Variants in UBAP2 observed in about 807,000 individuals in gnomAD.
UBAP2 encodes ubiquitin-associated protein 2.
UBAP2 carries 75 observed loss-of-function variants against 139.6 expected under a neutral mutation model. That is an observed-to-expected ratio of 0.54 (90% confidence interval 0.45 to 0.65). The LOEUF is 0.65. Ranked by LOEUF, UBAP2 falls within the 30% of genes least tolerant of loss-of-function variation. UBAP2 has a pLI of 0.00. For synonymous variants in UBAP2, 526 were observed against 526.2 expected, an observed-to-expected ratio of 1.00 and a Z score of 0.01; for missense variants, 1,368 against 1,369.6, an observed-to-expected ratio of 1.00 and a Z score of 0.02.
At position 34,014,705 on chromosome 9, in the gene UBAP2, G is replaced by C. The variant is rs568513877; in HGVS notation, c.99+2345C>G. On this transcript the variant is annotated intron_variant, in intron 2 of 28. Transcript: ENST00000379238. ...AGCTACTTGGAAGGCTGAGGCAAGA[G>C]AATCACTTGAACCCGGGAAGTGGAG... Among the ~76,000 whole-genome samples, 4 of 145,110 alleles carry C rather than the reference G, an allele frequency of 2.8e-5. No individual in the cohort carries two copies. The East Asian group carries it at 8.3e-4, about 30-fold the overall frequency.
At chr9:33,933,358 G>T in intron 18 of UBAP2, 132 bp downstream of exon 18, 3 of 1,092,506 alleles carry the variant, frequency 2.7e-6, no homozygotes, top group Non-Finnish European at 3.8e-6. Flanking sequence ...CTAAGCTACA[G>T]TCGTAATGCA....
At position 33,947,453 on chromosome 9, in the gene UBAP2, G is replaced by A. The variant is rs536187943; in HGVS notation, c.1270+921C>T. The stretch of plus-strand genomic sequence containing the variant: ...TGGGACCTTTACAATACAAACCACG[G>A]AATGTAAAGGTTGATGAAATCATAG... On this transcript the variant is annotated intron_variant, in intron 13 of 28. Coordinates refer to ENST00000379238, the MANE Select transcript of UBAP2 (RefSeq NM_001370062.2). 1.3e-4 allele frequency among the ~76,000 whole-genome samples: 20 copies of A among 152,266 alleles called. 1 individual carries two copies. In the East Asian group the frequency reaches 3.9e-3, roughly 29 times the overall value.
At chr9:33,994,494 G>A (rs1383294313) in intron 4 of UBAP2, 1 of 149,972 alleles carries the variant, frequency 6.7e-6, no homozygotes, top group African/African-American at 2.4e-5. Flanking sequence ...TAAACAAAGA[G>A]GGCGGTTAGG....
intron 2 of UBAP2, among the ~76,000 whole-genome samples, chr9:34,009,644 A>G (rs1823570022): frequency 6.6e-6 from 1 of 151,696 alleles, no homozygotes; most frequent in South Asian, 2.1e-4. Flanking sequence ...TAATTTTTGT[A>G]GAGACAGGTC....
chr9:33,980,334 G>A (rs1400881510), intron 6 of UBAP2, among the ~76,000 whole-genome samples: 4 of 129,356 alleles, frequency 3.1e-5, no homozygotes, highest in Admixed American at 1.9e-4. Context: ...CCAGGTTCAC[G>A]CCATTCTCCT....
At chr9:33,996,718 A>G (rs911931135) in intron 3 of UBAP2, 5 of 162,628 alleles carry the variant, frequency 3.1e-5, no homozygotes, top group Non-Finnish European at 6.6e-5. Flanking sequence ...CACGGTCATC[A>G]TTCATGGAAA....
intron 11 of UBAP2, among the ~76,000 whole-genome samples, chr9:33,953,702 T>C (rs569080863): frequency 7.2e-5 from 11 of 152,066 alleles, no homozygotes; most frequent in South Asian, 4.2e-4. Flanking sequence ...AAAAGGTGTA[T>C]TGAGAAATTT....
Position 33,954,265 on chromosome 9 carries a change from T to TACACACACACAC in UBAP2, c.867-792_867-791insGTGTGTGTGTGT, listed in dbSNP as rs1491115319. ...ATCCCATAATACATTTAAGTGTGTG[T>TACACACACACAC]ATATACACACACACACACACACACA... On this transcript the variant is annotated intron_variant, in intron 11 of 28. Coordinates refer to ENST00000379238, the MANE Select transcript of UBAP2 (RefSeq NM_001370062.2). Among the ~76,000 whole-genome samples, 14 of 121,208 alleles carry TACACACACACAC rather than the reference T, an allele frequency of 1.2e-4. No homozygotes were observed. The East Asian group carries it at 2.0e-3, about 18-fold the overall frequency. The allele number at this position is 121,208 out of a possible 152,430, so 79.5% of individuals were successfully genotyped here.
intron 2 of UBAP2, among the ~76,000 whole-genome samples, chr9:34,006,195 T>C (rs1038361092): frequency 2.7e-5 from 4 of 149,454 alleles, no homozygotes; most frequent in South Asian, 4.2e-4. Context: ...GATCGCACCA[T>C]TGCACTCCAG....
At chr9:34,004,846 T>C (rs1823047840) in intron 2 of UBAP2, among the ~76,000 whole-genome samples, 1 of 151,862 alleles carries the variant, frequency 6.6e-6, no homozygotes, top group Admixed American at 6.6e-5. Flanking sequence ...CTCACGCCTA[T>C]AATCCCAGCA....
intron 2 of UBAP2, among the ~76,000 whole-genome samples, chr9:34,006,975 C>G (rs187483365): frequency 6.6e-6 from 1 of 152,188 alleles, no homozygotes; most frequent in African/African-American, 2.4e-5. Flanking sequence ...CAGAGTACAA[C>G]TGTTTTGCTG....
At chr9:34,009,449 A>G (rs964712221) in intron 2 of UBAP2, among the ~76,000 whole-genome samples, 6 of 152,158 alleles carry the variant, frequency 3.9e-5, no homozygotes, top group Middle Eastern at 3.4e-3. Flanking sequence ...TTATGGAGAC[A>G]GGGTCTCGCT....
intron 1 of UBAP2, among the ~76,000 whole-genome samples, chr9:34,045,898 G>A (rs1827535980): frequency 6.6e-6 from 1 of 152,110 alleles, no homozygotes; most frequent in Admixed American, 6.6e-5. Context: ...TTCCCTACAT[G>A]TCCTCCCTCT....
At chr9:33,933,772 A>G in intron 17 of UBAP2, 144 bp from the exon 18 acceptor site, 1 of 1,145,166 alleles carries the variant, frequency 8.7e-7, no homozygotes, top group Non-Finnish European at 1.2e-6. Flanking sequence ...GAAAATGCCA[A>G]GCATATCGCC....
chr9:33,967,660 AT>A (rs1168621279), intron 8 of UBAP2, among the ~76,000 whole-genome samples: 2 of 152,216 alleles, frequency 1.3e-5, no homozygotes, highest in African/African-American at 4.8e-5. Flanking sequence ...GCCATCTAGA[AT>A]TCTCAATTTA....
At position 33,978,638 on chromosome 9, in the gene UBAP2, G is replaced by A. The variant is rs187246741; in HGVS notation, c.521-5401C>T. Reference sequence around the variant, plus strand: ...TACTAAAAATACAAAAAATTAGCCCGATGTGCTGGCGGGTGCCTATAGTCC... The same window carrying A: ...TACTAAAAATACAAAAAATTAGCCCAATGTGCTGGCGGGTGCCTATAGTCC... On this transcript the variant is annotated intron_variant, in intron 6 of 28. Transcript: ENST00000379238. Among the ~76,000 whole-genome samples the A allele has an allele frequency of 2.5e-3, 387 of 152,094 alleles. 4 individuals carry two copies. Among genetic ancestry groups the A allele is most frequent in the African/African-American group, 8.9e-3 (368 of 41,500 alleles).
At chr9:34,004,488 A>C (rs1823000963) in intron 2 of UBAP2, among the ~76,000 whole-genome samples, 1 of 151,874 alleles carries the variant, frequency 6.6e-6, no homozygotes, top group African/African-American at 2.4e-5. Flanking sequence ...GTCACAAAAA[A>C]AGGAAAAAAA....
At chr9:33,947,492 A>G (rs1825736364) in intron 13 of UBAP2, among the ~76,000 whole-genome samples, 1 of 152,194 alleles carries the variant, frequency 6.6e-6, no homozygotes, top group African/African-American at 2.4e-5. Flanking sequence ...ATACTTCAAA[A>G]TGTTAGAATG....
chr9:34,013,486 C>T (rs758012668), intron 2 of UBAP2, among the ~76,000 whole-genome samples: 3 of 150,076 alleles, frequency 2.0e-5, no homozygotes, highest in East Asian at 2.0e-4. Context: ...AGCAAAACTC[C>T]GTCTCAAAAA....
Sources: gnomAD v4.1 joint callset for allele counts (sites outside exome capture counted in the v4.1 genomes callset) on GRCh38, gnomAD v4.1.1 for gene constraint, MANE v1.5 for transcripts, NCBI Gene and HGNC (gene_info 2026-07-23, HGNC 2026-07-21) for gene names.